The following STK4 variants were observed in gnomAD, a reference collection of about 807,000 sequenced individuals.
STK4 encodes the protein serine/threonine kinase 4, also known as serine/threonine-protein kinase 4.
In STK4, 30 loss-of-function variants were observed where a neutral mutation model predicts 64.9. The observed-to-expected ratio is 0.46, with a 90% CI of 0.35 to 0.63. The LOEUF is 0.63. Among genes scored for constraint, STK4 ranks in the 20% least tolerant of loss-of-function variants. The pLI, the probability that STK4 is intolerant of heterozygous loss-of-function variation, is 0.01. For synonymous variants in STK4, 177 were observed against 199.0 expected, an observed-to-expected ratio of 0.89 and a Z score of 0.93; for missense variants, 466 against 598.5, an observed-to-expected ratio of 0.78 and a Z score of 2.31.
chr20:45,002,762 A>T (rs1401953975), intron 9 of STK4, among the ~76,000 whole-genome samples: 1 of 152,144 alleles, frequency 6.6e-6, no homozygotes, highest in Non-Finnish European at 1.5e-5. Flanking sequence ...CAATTAGTAA[A>T]CACTTTGTAA....
intron 10 of STK4, among the ~76,000 whole-genome samples, chr20:45,056,640 A>G (rs931068991): frequency 1.3e-5 from 2 of 152,184 alleles, no homozygotes; most frequent in East Asian, 3.8e-4. Flanking sequence ...AAGTTCTTCC[A>G]TTAGTGGGCA....
At chr20:45,006,959 C>T (rs1212921928) in intron 9 of STK4, among the ~76,000 whole-genome samples, 1 of 152,154 alleles carries the variant, frequency 6.6e-6, no homozygotes, top group African/African-American at 2.4e-5. Flanking sequence ...CCCAGTAGGC[C>T]ACTCGGCTCA....
rs6031972 is a variant in STK4, at chr20:45,076,302, T to C, written c.*1126T>C. On this transcript the variant is annotated 3_prime_UTR_variant, in exon 11 of 11. Coordinates refer to ENST00000372806, the MANE Select transcript of STK4 (RefSeq NM_006282.5). This position sits in a 1 kb window ranked among gnomAD's most constrained non-coding sequence, Gnocchi z 4.0. ...GGACTATAGAGATCATCTGATCTGA[T>C]CCTCTTGTACGGATGATCGCAAAAC... 78,100 of 151,698 alleles carry C rather than the reference T, an allele frequency of 0.51. 20,840 individuals carry two copies. The highest frequency in any genetic ancestry group is 0.63 in the African/African-American group (26,285 of 41,408). The allele number at this position is 151,698 out of a possible 1,614,324, so 9.4% of individuals were successfully genotyped here. A position where few individuals can be genotyped will look rare whatever the true frequency, so the allele number is the denominator to read the frequency against.
At chr20:44,994,788 C>T (rs1448952805) in intron 5 of STK4, among the ~76,000 whole-genome samples, 1 of 152,048 alleles carries the variant, frequency 6.6e-6, no homozygotes, top group African/African-American at 2.4e-5. Context: ...ATTTTCTATG[C>T]TATTATCAGC....
rs370569774 is a variant in STK4 at position 45,008,974 on chromosome 20, CT to C, written c.1147+7624del. On this transcript the variant is annotated intron_variant, in intron 9 of 10. Transcript: ENST00000372806. ...TGTATAGTTTGTGAATATTTTCTCC[CT>C]TTCTGTAGGTTGTTTACACTGTTGA... is the stretch of plus-strand genomic sequence containing the variant. Among the ~76,000 whole-genome samples the C allele has an allele frequency of 6.5e-4, 99 of 152,020 alleles. 1 individual carries two copies. The East Asian group carries it at 0.014, about 21-fold the overall frequency.
At chr20:45,037,722 T>G (rs2068549980) in intron 10 of STK4, among the ~76,000 whole-genome samples, 1 of 152,136 alleles carries the variant, frequency 6.6e-6, no homozygotes, top group Non-Finnish European at 1.5e-5. Context: ...AGATCAGGGC[T>G]CCAAATCTGA....
Position 45,075,354 on chromosome 20 carries a change from G to A in STK4, c.*178G>A. The A allele has an allele frequency of 1.4e-6, 1 of 733,844 alleles. No homozygotes were observed. The highest frequency in any genetic ancestry group is 2.8e-5 in the East Asian group (1 of 36,212). The allele number at this position is 733,844 out of a possible 1,614,324, so 45.5% of individuals were successfully genotyped here. ...TTGACAGTCAGCGTGCCATCTTGAT[G>A]TGTGTATGTACATTGGTCAGGTATA... On this transcript the variant is annotated 3_prime_UTR_variant, in exon 11 of 11. Transcript: ENST00000372806.
intron 10 of STK4, among the ~76,000 whole-genome samples, chr20:45,074,203 G>C (rs1980320915): frequency 6.6e-6 from 1 of 152,158 alleles, no homozygotes; most frequent in African/African-American, 2.4e-5. Flanking sequence ...GTAACATAGG[G>C]ATAATAATGT....
At chr20:45,047,836 G>C (rs977753223) in intron 10 of STK4, among the ~76,000 whole-genome samples, 1 of 152,168 alleles carries the variant, frequency 6.6e-6, no homozygotes, top group South Asian at 2.1e-4. Flanking sequence ...TGGGAATCAG[G>C]TCTCAGCTCT....
intron 9 of STK4, among the ~76,000 whole-genome samples, chr20:45,020,466 GTATGTT>G (rs66633937): frequency 0.32 from 28,439 of 88,332 alleles, 3,284 homozygotes; most frequent in Admixed American, 0.38. Context: ...GTGTGTGTGT[GTATGTT>G]TATGTTTATG....
At chr20:45,065,141 GT>G (rs71339818) in intron 10 of STK4, among the ~76,000 whole-genome samples, 61 of 146,414 alleles carry the variant, frequency 4.2e-4, no homozygotes, top group African/African-American at 5.5e-4. Context: ...GTTTGTTGAG[GT>G]TTTTTTTTTT....
chr20:45,024,315 T>C (rs2068305219), intron 9 of STK4, among the ~76,000 whole-genome samples: 2 of 152,208 alleles, frequency 1.3e-5, no homozygotes, highest in African/African-American at 4.8e-5. Flanking sequence ...TTTTTTTTTT[T>C]TCCTATATGT....
At chr20:45,067,114 A>AT (rs1230668187) in intron 10 of STK4, among the ~76,000 whole-genome samples, 2 of 151,946 alleles carry the variant, frequency 1.3e-5, no homozygotes, top group African/African-American at 4.8e-5. Flanking sequence ...GCCTTTGTAC[A>AT]TTTTTTTTGT....
Position 45,026,167 on chromosome 20 carries a change from A to G in STK4, c.1305+1037A>G, listed in dbSNP as rs191533944. On this transcript the variant is annotated intron_variant, in intron 10 of 10. Transcript: ENST00000372806. ...TTTTGGATGTCATGTGTTTGACACT[A>G]TTCTAGGGATGTGGTCATTAACAGA... Among the ~76,000 whole-genome samples the G allele has an allele frequency of 1.1e-4, 14 of 133,198 alleles. No individual in the cohort carries two copies. In the East Asian group the frequency reaches 2.7e-3, roughly 26 times the overall value. The allele number at this position is 133,198 out of a possible 152,430, so 87.4% of individuals were successfully genotyped here.
chr20:45,011,729 A>ATATTTTT (rs60170856), intron 9 of STK4, among the ~76,000 whole-genome samples: 1 of 115,400 alleles, frequency 8.7e-6, no homozygotes, highest in African/African-American at 3.6e-5. Flanking sequence ...ATATATATAT[A>ATATTTTT]TTTTTTTTTT....
At chr20:45,054,772 A>G (rs1051307821) in intron 10 of STK4, among the ~76,000 whole-genome samples, 5 of 152,138 alleles carry the variant, frequency 3.3e-5, no homozygotes, top group African/African-American at 1.2e-4. Context: ...AGATTAATAC[A>G]TATAAAATAC....
At chr20:45,071,598 AAAC>A (rs1980073009) in intron 10 of STK4, among the ~76,000 whole-genome samples, 1 of 152,192 alleles carries the variant, frequency 6.6e-6, no homozygotes, top group African/African-American at 2.4e-5. Context: ...AAGGGCAACA[AAAC>A]TGCCTAGAAA....
intron 10 of STK4, among the ~76,000 whole-genome samples, chr20:45,064,116 G>C (rs1376612868): frequency 1.3e-5 from 2 of 152,072 alleles, no homozygotes; most frequent in Non-Finnish European, 2.9e-5. Flanking sequence ...CCAAGGGGGG[G>C]GGTCCAGTTT....
intron 9 of STK4, chr20:45,007,845 G>A (rs1175652816): frequency 1.8e-5 from 7 of 384,720 alleles, no homozygotes; most frequent in South Asian, 3.9e-5. Flanking sequence ...CAGGTAATGA[G>A]CATAGGACCC....
Sources: gnomAD v4.1 joint callset for allele counts (sites outside exome capture counted in the v4.1 genomes callset) on GRCh38, gnomAD v4.1.1 for gene constraint, Gnocchi (gnomAD v3.1) non-coding constraint, MANE v1.5 for transcripts, NCBI Gene and HGNC (gene_info 2026-07-23, HGNC 2026-07-21) for gene names.